NRXN3: variants seen among roughly 807,000 people sequenced by gnomAD.
NRXN3 encodes neurexin III.
Under a neutral mutation model 137.6 loss-of-function variants are expected in NRXN3, and 32 were observed. The ratio of observed to expected loss-of-function variants is 0.23; its 90% CI spans 0.18 to 0.31. The LOEUF (loss-of-function observed/expected upper bound fraction) is 0.31. Ranked by LOEUF, NRXN3 falls within the 10% of genes least tolerant of loss-of-function variation. NRXN3 has a pLI of 1.00. For synonymous variants in NRXN3, 798 were observed against 784.5 expected (o/e 1.02, Z -0.29); for missense variants, 1,574 against 2,062.5 (o/e 0.76, Z 4.59).
At chr14:79,659,685 C>A (rs2098523722) in intron 16 of NRXN3, among the ~76,000 whole-genome samples, 1 of 151,646 alleles carries the variant, frequency 6.6e-6, no homozygotes, top group South Asian at 2.1e-4. Flanking sequence ...CTCCTATAAC[C>A]CTCACAGCAA....
Position 79,631,599 on chromosome 14 carries a change from G to C in NRXN3, c.3445-32179G>C, listed in dbSNP as rs570031845. On this transcript the variant is annotated intron_variant, in intron 16 of 20. Transcript: ENST00000335750. ...CTCCCTCTGGGCTGCCGGAGTGCCC[G>C]TGCTAGGTTCCAAAGTCGCCAGTGA... Among the ~76,000 whole-genome samples the C allele has an allele frequency of 2.1e-3, 313 of 152,374 alleles. 1 individual carries two copies. Among genetic ancestry groups the C allele is most frequent in the South Asian group, 9.3e-3 (45 of 4,832 alleles).
chr14:79,234,340 AATATTTATATATATATT>A (rs1354009574), intron 15 of NRXN3, among the ~76,000 whole-genome samples: 1 of 95,836 alleles, frequency 1.0e-5, no homozygotes, highest in East Asian at 3.2e-4. Context: ...ATATATATAT[AATATTTATATATATATT>A]ATATATGTAT....
chr14:79,114,830 G>A lies in NRXN3; in HGVS notation c.3262+126689G>A, dbSNP rs910096982. ...GGTGTGAGCCATGGCACCCAGCAAA[G>A]AATGGCCTTTTTATCTTCTCTTCAG... On this transcript the variant is annotated intron_variant, in intron 15 of 20. Transcript: ENST00000335750. 3.4e-4 allele frequency among the ~76,000 whole-genome samples: 52 copies of A among 152,090 alleles called. 1 individual carries two copies. Among genetic ancestry groups the A allele is most frequent in the Admixed American group, 1.3e-4 (2 of 15,262 alleles).
intron 4 of NRXN3, among the ~76,000 whole-genome samples, chr14:78,390,368 C>T (rs1164096675): frequency 6.6e-6 from 1 of 152,124 alleles, no homozygotes; most frequent in Non-Finnish European, 1.5e-5. Flanking sequence ...ACTGTATAGA[C>T]CACAAAGCCT....
chr14:78,181,380 T>A (rs2059795278), intron 1 of NRXN3, among the ~76,000 whole-genome samples: 1 of 152,134 alleles, frequency 6.6e-6, no homozygotes, highest in African/African-American at 2.4e-5. Context: ...TCTCCTTTGT[T>A]CCATGCACTT....
intron 15 of NRXN3, among the ~76,000 whole-genome samples, chr14:79,196,122 A>G (rs570421680): frequency 1.1e-4 from 16 of 152,318 alleles, no homozygotes; most frequent in African/African-American, 3.6e-4. Context: ...AAGTGACTGC[A>G]TCACATTTCA....
chr14:79,086,650 C>T (rs950731377), intron 15 of NRXN3, among the ~76,000 whole-genome samples: 13 of 152,220 alleles, frequency 8.5e-5, no homozygotes, highest in Non-Finnish European at 1.5e-4. Context: ...TGAAAGGATA[C>T]GTCGAAGGCT....
At chr14:79,508,142 G>A (rs1282167990) in intron 16 of NRXN3, among the ~76,000 whole-genome samples, 5 of 152,122 alleles carry the variant, frequency 3.3e-5, no homozygotes, top group East Asian at 1.9e-4. Context: ...GTCCAGATTC[G>A]TAATCTATTA....
At position 78,304,211 on chromosome 14, in the gene NRXN3, C is replaced by T. The variant is rs72689144; in HGVS notation, c.757+6351C>T. 5.1e-3 allele frequency among the ~76,000 whole-genome samples: 772 copies of T among 152,254 alleles called. 4 individuals are homozygous for T. Among genetic ancestry groups the T allele is most frequent in the Non-Finnish European group, 8.0e-3 (546 of 68,010 alleles). ...ACTTCCCTCCTCACTAAGGCCTTCT[C>T]TTGGCCCTGTGTGTGCAAGTGTCAG... On this transcript the variant is annotated intron_variant, in intron 4 of 20. Transcript: ENST00000335750.
chr14:79,754,050 A>G (rs2099008832), intron 19 of NRXN3, among the ~76,000 whole-genome samples: 1 of 152,082 alleles, frequency 6.6e-6, no homozygotes, highest in African/African-American at 2.4e-5. Flanking sequence ...GCATGGGGGC[A>G]GTGGCTCATG....
chr14:78,846,213 C>T (rs1033985143), intron 10 of NRXN3, among the ~76,000 whole-genome samples: 1 of 151,988 alleles, frequency 6.6e-6, no homozygotes, highest in African/African-American at 2.4e-5. Flanking sequence ...TCAATTGTGT[C>T]CTCTCTGTGA....
At chr14:79,144,579 G>A (rs1179929015) in intron 15 of NRXN3, among the ~76,000 whole-genome samples, 1 of 152,130 alleles carries the variant, frequency 6.6e-6, no homozygotes, top group Non-Finnish European at 1.5e-5. Flanking sequence ...GCAATTTGTG[G>A]TATAAAGATT....
chr14:78,744,441 G>T (rs1402998632), intron 8 of NRXN3: 1 of 152,210 alleles, frequency 6.6e-6, no homozygotes, highest in East Asian at 1.9e-4. Context: ...ATATCCTGCA[G>T]TTTTGAGATA....
At chr14:78,559,494 C>G (rs1346013666) in intron 4 of NRXN3, among the ~76,000 whole-genome samples, 1 of 152,178 alleles carries the variant, frequency 6.6e-6, no homozygotes, top group East Asian at 1.9e-4. Context: ...GCAAAAATTG[C>G]TTGGGGATAT....
chr14:78,422,429 G>A (rs1039238515), intron 4 of NRXN3, among the ~76,000 whole-genome samples: 3 of 152,136 alleles, frequency 2.0e-5, no homozygotes, highest in Non-Finnish European at 4.4e-5. Flanking sequence ...TTTGGTAAAC[G>A]AATGAACTCT....
intron 4 of NRXN3, among the ~76,000 whole-genome samples, chr14:78,623,146 G>A (rs531547465): frequency 1.4e-4 from 22 of 152,300 alleles, no homozygotes; most frequent in African/African-American, 4.8e-4. Context: ...TCCAAAGCCT[G>A]AGCATTATTT....
intron 4 of NRXN3, among the ~76,000 whole-genome samples, chr14:78,558,117 A>G (rs1348406509): frequency 6.6e-6 from 1 of 152,144 alleles, no homozygotes; most frequent in Non-Finnish European, 1.5e-5. Flanking sequence ...GACCTTCACA[A>G]CTATACTATG....
intron 10 of NRXN3, among the ~76,000 whole-genome samples, chr14:78,879,645 C>T (rs113608542): frequency 5.3e-4 from 81 of 152,300 alleles, no homozygotes; most frequent in African/African-American, 1.9e-3. Context: ...TAGAATGACG[C>T]ATTTTAAGAC....
intron 15 of NRXN3, among the ~76,000 whole-genome samples, chr14:79,322,366 C>T (rs1023441089): frequency 3.3e-5 from 5 of 152,146 alleles, no homozygotes; most frequent in African/African-American, 7.2e-5. Context: ...CAGGCTTGAC[C>T]GCATTTACGG....
Sources: allele counts gnomAD v4.1 joint callset (sites outside exome capture counted in the v4.1 genomes callset), GRCh38; gene constraint gnomAD v4.1.1; transcripts MANE v1.5; gene names NCBI Gene and HGNC (gene_info 2026-07-23, HGNC 2026-07-21).